Variants in ITPKA observed in about 807,000 individuals in gnomAD.
ITPKA encodes IP3 3-kinase A.
ITPKA carries 16 observed loss-of-function variants against 40.7 expected under a neutral mutation model. The ratio of observed to expected loss-of-function variants is 0.39; its 90% CI spans 0.27 to 0.60. ITPKA has a LOEUF of 0.60. Among genes scored for constraint, ITPKA ranks in the 20% least tolerant of loss-of-function variants. The pLI, the probability that ITPKA is intolerant of heterozygous loss-of-function variation, is 0.50. For missense variants in ITPKA, 540 were observed against 649.3 expected (o/e 0.83, Z 1.83); for synonymous variants, 313 against 289.9 (o/e 1.08, Z -0.81).
chr15:41,498,306 CAAAAA>C (rs761859856), intron 1 of ITPKA, among the ~76,000 whole-genome samples: 2 of 73,698 alleles, frequency 2.7e-5, no homozygotes, highest in Admixed American at 1.5e-4. Context: ...GACCTTGTCT[CAAAAA>C]AAAAAAAAAA....
rs777726005 is a variant in ITPKA at position 41,494,388 on chromosome 15, A to G, written c.461A>G (p.Gln154Arg). 1 of 1,489,250 alleles carries G rather than the reference A, an allele frequency of 6.7e-7. No homozygotes were observed. Among genetic ancestry groups the G allele is most frequent in the South Asian group, 1.3e-5 (1 of 78,906 alleles). 92.3% of individuals were successfully genotyped at this position (1,489,250 alleles called of 1,614,324 possible). A position where few individuals can be genotyped will look rare whatever the true frequency, so the allele number is the denominator to read the frequency against. ...GAGAGCCGGAGCCGCGGCAACGTGC[A>G]GCTGGAAGCGGGCGAGGACGTGGGT... ...DSESRSRGNV[Q>R]LEAGEDVGQK... The change falls in exon 1 of 7, where the codon CAG becomes CGG. Residue 154 changes from glutamine (Q) to arginine (R), a missense_variant. Physicochemically the swap from Gln to Arg is conservative, Grantham distance 43. Transcript: ENST00000260386. This position sits in a 1 kb window ranked among gnomAD's most constrained non-coding sequence, Gnocchi z 7.8.
Position 41,494,948 on chromosome 15 carries a change from G to A in ITPKA, c.489+532G>A, listed in dbSNP as rs1244744645. 6.6e-6 allele frequency among the ~76,000 whole-genome samples: 1 copy of A among 152,236 alleles called. No homozygotes were observed. The highest frequency in any genetic ancestry group is 2.4e-5 in the African/African-American group (1 of 41,472). The stretch of plus-strand genomic sequence containing the variant: ...GCGCCCGCACGAGGCGTGGACGCAG[G>A]GGAGGGAGGGGCGTGGGCCTGGGAG... On this transcript the variant is annotated intron_variant, in intron 1 of 6. Coordinates refer to ENST00000260386, the MANE Select transcript of ITPKA (RefSeq NM_002220.3). This position sits in a 1 kb window ranked among gnomAD's most constrained non-coding sequence, Gnocchi z 7.8.
At chr15:41,502,676 T>C in intron 5 of ITPKA, 112 bp from the exon 6 acceptor site, 1 of 1,117,396 alleles carries the variant, frequency 8.9e-7, no homozygotes, top group Non-Finnish European at 1.3e-6. Context: ...CCCTGGGTCC[T>C]CCTCCTGGCG....
Position 41,503,360 on chromosome 15 carries a change from C to T in ITPKA, c.*194C>T. 3.3e-6 allele frequency: 2 copies of T among 600,660 alleles called. No homozygotes were observed. The allele number at this position is 600,660 out of a possible 1,614,324, so 37.2% of individuals were successfully genotyped here. A position where few individuals can be genotyped will look rare whatever the true frequency, so the allele number is the denominator to read the frequency against. On this transcript the variant is annotated 3_prime_UTR_variant, in exon 7 of 7. Coordinates refer to ENST00000260386, the MANE Select transcript of ITPKA (RefSeq NM_002220.3). ...TTTGCCCACCCGGGCCCCAGCGTTC[C>T]CAGAGCCAAATGACACTAACTTATA... is the stretch of plus-strand genomic sequence containing the variant.
At chr15:41,501,424 G>T in intron 1 of ITPKA, 39 bp from the exon 2 acceptor site, 1 of 1,573,378 alleles carries the variant, frequency 6.4e-7, no homozygotes, top group East Asian at 2.3e-5. Context: ...ATGCATTGCC[G>T]AGACGCCGAT....
intron 1 of ITPKA, among the ~76,000 whole-genome samples, chr15:41,501,009 A>G (rs1010022615): frequency 0.034 from 91 of 2,690 alleles, 1 homozygote; most frequent in Non-Finnish European, 0.034. Flanking sequence ...ACTCCATCTG[A>G]AAAAAAAAAA....
chr15:41,494,476 G>A lies in ITPKA; in HGVS notation c.489+60G>A. On this transcript the variant is annotated intron_variant, in intron 1 of 6. Transcript: ENST00000260386. This position sits in a 1 kb window ranked among gnomAD's most constrained non-coding sequence, Gnocchi z 7.8. The stretch of plus-strand genomic sequence containing the variant: ...CGGGGGCTGCACGGGGGACCTGGCT[G>A]GGTGCTCCCGGAGGACCCGCTCCTG... The A allele has an allele frequency of 8.4e-7, 1 of 1,186,714 alleles. No homozygotes were observed. Among genetic ancestry groups the A allele is most frequent in the Non-Finnish European group, 1.1e-6 (1 of 897,288 alleles). 73.5% of individuals were successfully genotyped at this position (1,186,714 alleles called of 1,614,324 possible).
At chr15:41,495,563 C>G (rs1054625388) in intron 1 of ITPKA, among the ~76,000 whole-genome samples, 5 of 152,248 alleles carry the variant, frequency 3.3e-5, no homozygotes, top group Non-Finnish European at 4.4e-5. Flanking sequence ...GAACACCCCC[C>G]GCCGCCAGGT....
At chr15:41,495,720 G>A (rs910574112) in intron 1 of ITPKA, among the ~76,000 whole-genome samples, 3 of 152,174 alleles carry the variant, frequency 2.0e-5, no homozygotes, top group Admixed American at 6.5e-5. Context: ...TGGAGTGTGG[G>A]GCAGTGAGAG....
chr15:41,501,409 GGCTTAT>G, intron 1 of ITPKA, 48 bp from the exon 2 acceptor site: 1 of 1,556,746 alleles, frequency 6.4e-7, no homozygotes, highest in Non-Finnish European at 8.7e-7. Context: ...GTGGAGGGAG[GGCTTAT>G]GCATTGCCGA....
Position 41,503,172 on chromosome 15 carries a change from G to A in ITPKA, c.*6G>A, listed in dbSNP as rs773325394. ...CCAGCCTGGCTGAGAGATGAGGCTG[G>A]ACTCCTGTCCCCGCGGGCCGCTCAC... On this transcript the variant is annotated 3_prime_UTR_variant, in exon 7 of 7. Coordinates refer to ENST00000260386, the MANE Select transcript of ITPKA (RefSeq NM_002220.3). The A allele has an allele frequency of 5.7e-6, 9 of 1,572,492 alleles. No homozygotes were observed. The highest frequency in any genetic ancestry group is 6.9e-6 in the Non-Finnish European group (8 of 1,151,930).
At chr15:41,502,585 G>A (rs2051125094) in intron 5 of ITPKA, 82 bp downstream of exon 5, 1 of 974,860 alleles carries the variant, frequency 1.0e-6, no homozygotes, top group Non-Finnish European at 1.6e-6. Flanking sequence ...AGTGCCCTCG[G>A]CTGTGTCCCC....
chr15:41,501,919 G>C, intron 3 of ITPKA, 68 bp downstream of exon 3: 2 of 1,589,396 alleles, frequency 1.3e-6, no homozygotes, highest in Non-Finnish European at 8.6e-7. Context: ...AGCTGCTTGA[G>C]GGGGACCCGG....
In ITPKA at chr15:41,501,899, G is replaced by T. The variant is rs368335078; in HGVS notation, c.803+48G>T. ...GTTGGGGGGATCAAGTAGGGGTCCG[G>T]GGCCGGGACAGCTGCTTGAGGGGGA... On this transcript the variant is annotated intron_variant, in intron 3 of 6. Transcript: ENST00000260386. 1.9e-6 allele frequency: 3 copies of T among 1,598,436 alleles called. No individual in the cohort carries two copies. The South Asian group carries it at 3.3e-5, about 18-fold the overall frequency.
chr15:41,501,881 G>A (rs2051114090), intron 3 of ITPKA, 30 bp downstream of exon 3: 3 of 1,605,292 alleles, frequency 1.9e-6, no homozygotes, highest in Non-Finnish European at 1.7e-6. Context: ...TCGGTTGGGG[G>A]GATCAAGTAG....
intron 1 of ITPKA, among the ~76,000 whole-genome samples, chr15:41,496,330 C>G (rs1355148452): frequency 6.6e-6 from 1 of 152,224 alleles, no homozygotes; most frequent in African/African-American, 2.4e-5. Context: ...TACGCGCGGC[C>G]CAGGCAGGCC....
chr15:41,501,207 C>CG lies in ITPKA; in HGVS notation c.490-251dup, dbSNP rs2051107349. ...TCAGTGGCAGAGCTGGAGCGCAAAC[C>CG]GGGGGCTTCAGATGCTAAGTCCAGG... On this transcript the variant is annotated intron_variant, in intron 1 of 6. Transcript: ENST00000260386. 5.5e-6 allele frequency: 3 copies of CG among 549,490 alleles called. No individual in the cohort carries two copies. The African/African-American group carries it at 6.1e-5, about 11-fold the overall frequency. The allele number at this position is 549,490 out of a possible 1,614,324, so 34.0% of individuals were successfully genotyped here.
chr15:41,501,613 G>A (rs777530137), intron 2 of ITPKA, 22 bp from the exon 3 acceptor site: 8 of 1,591,778 alleles, frequency 5.0e-6, no homozygotes, highest in Middle Eastern at 2.0e-4. Flanking sequence ...GCTGGGCGGC[G>A]CTGACGGATG....
chr15:41,499,077 T>G (rs1769787095), intron 1 of ITPKA, among the ~76,000 whole-genome samples: 1 of 152,220 alleles, frequency 6.6e-6, no homozygotes, highest in African/African-American at 2.4e-5. Flanking sequence ...GGGTACAGGA[T>G]GGTGCTGCTG....
Sources: allele counts gnomAD v4.1 joint callset (sites outside exome capture counted in the v4.1 genomes callset), GRCh38; gene constraint gnomAD v4.1.1; non-coding constraint Gnocchi (gnomAD v3.1); transcripts MANE v1.5; gene names NCBI Gene and HGNC (gene_info 2026-07-23, HGNC 2026-07-21).